The following MMRN1 variants were observed in gnomAD, a reference collection of about 807,000 sequenced individuals.
The protein encoded by MMRN1 is multimerin 1.
In MMRN1, 94 loss-of-function variants were observed where a neutral mutation model predicts 100.7. The observed-to-expected ratio is 0.93, with a 90% CI of 0.79 to 1.11. The LOEUF (loss-of-function observed/expected upper bound fraction) is 1.11, where lower values mean the gene tolerates loss of function less well. Ranked by LOEUF, MMRN1 falls within the 50% of genes least tolerant of loss-of-function variation. MMRN1 has a pLI of 0.00. For synonymous variants in MMRN1, 575 were observed against 505.0 expected (o/e 1.14, Z -1.86); for missense variants, 1,606 against 1,439.1 (o/e 1.12, Z -1.88).
intron 6 of MMRN1, among the ~76,000 whole-genome samples, chr4:89,944,631 G>C (rs1722932040): frequency 6.6e-6 from 1 of 152,106 alleles, no homozygotes; most frequent in African/African-American, 2.4e-5. Context: ...GCGATGTTAA[G>C]ACGGCTATAA....
At chr4:89,889,088 G>A (rs1405917439) in intron 1 of MMRN1, among the ~76,000 whole-genome samples, 4 of 152,102 alleles carry the variant, frequency 2.6e-5, no homozygotes, top group Non-Finnish European at 5.9e-5. Flanking sequence ...TAGTGTAGGA[G>A]CTGAGTTATC....
At chr4:89,910,570 G>T (rs1024819627) in intron 2 of MMRN1, among the ~76,000 whole-genome samples, 2 of 151,324 alleles carry the variant, frequency 1.3e-5, no homozygotes, top group Non-Finnish European at 3.0e-5. Context: ...TGCCAAAGCA[G>T]GAACATTGAC....
intron 6 of MMRN1, among the ~76,000 whole-genome samples, chr4:89,946,055 A>G (rs1722976311): frequency 6.6e-6 from 1 of 152,232 alleles, no homozygotes; most frequent in African/African-American, 2.4e-5. Context: ...CAATGGGCAT[A>G]TGAAATATTT....
chr4:89,949,861 A>G (rs1448863922), intron 6 of MMRN1, among the ~76,000 whole-genome samples: 2 of 152,256 alleles, frequency 1.3e-5, no homozygotes, highest in African/African-American at 4.8e-5. Context: ...ATAAAAATTT[A>G]TAGGTCTCAC....
chr4:89,913,410 G>A (rs1721816154), intron 3 of MMRN1, among the ~76,000 whole-genome samples: 1 of 151,268 alleles, frequency 6.6e-6, no homozygotes, highest in South Asian at 2.1e-4. Context: ...CTAATGAAAT[G>A]TCATGGACTC....
At chr4:89,896,081 T>C (rs1721197755) in intron 1 of MMRN1, among the ~76,000 whole-genome samples, 1 of 152,198 alleles carries the variant, frequency 6.6e-6, no homozygotes, top group Non-Finnish European at 1.5e-5. Context: ...TTCAGTATGG[T>C]CTAGTTCCAT....
At position 89,935,124 on chromosome 4, in the gene MMRN1, G is replaced by T; in HGVS notation, c.1444G>T (p.Glu482Ter). The change falls in exon 6 of 8, where the codon GAA (glutamate) becomes TAA (stop). Residue 482 changes from glutamate (E) to a stop codon, truncating the protein, a stop_gained. Coordinates refer to ENST00000264790, the MANE Select transcript of MMRN1 (RefSeq NM_007351.3). LOFTEE classifies it high-confidence loss of function. The part of the protein sequence containing the change: ...LTCEKPIKEL[E>*]VKQTHLEGAL... ...ATGTGAGAAGCCTATTAAAGAACTA[G>T]AAGTAAAGCAGACTCATTTAGAAGG... 1 of 1,613,638 alleles carries T rather than the reference G, an allele frequency of 6.2e-7. No homozygotes were observed. The highest frequency in any genetic ancestry group is 1.3e-5 in the African/African-American group (1 of 75,022).
At chr4:89,916,829 A>T (rs12644375) in intron 3 of MMRN1, among the ~76,000 whole-genome samples, 6 of 151,594 alleles carry the variant, frequency 4.0e-5, no homozygotes, top group Admixed American at 4.0e-4. Flanking sequence ...TAATGGAATA[A>T]CATTTTCCAA....
rs775648884 is a variant in MMRN1, at chr4:89,935,803, G to T, written c.2123G>T (p.Gly708Val). 1.2e-6 allele frequency: 2 copies of T among 1,613,218 alleles called. No homozygotes were observed. Among genetic ancestry groups the T allele is most frequent in the Non-Finnish European group, 8.5e-7 (1 of 1,179,614 alleles). Residue 708 changes from glycine (G) to valine (V), a missense_variant, in exon 6 of 8, where the codon GGT becomes GTT. Physicochemically the swap from Gly to Val is moderately radical, Grantham distance 109. Coordinates refer to ENST00000264790, the MANE Select transcript of MMRN1 (RefSeq NM_007351.3). The stretch of plus-strand genomic sequence containing the variant: ...AACTTACTTAGAAATGAAGTACAGG[G>T]TCGTGATGATGCCTTAGAAAGACGT... Reference protein sequence around the residue: ...RHNLLRNEVQGRDDALERRIN... With the variant: ...RHNLLRNEVQVRDDALERRIN...
intron 3 of MMRN1, among the ~76,000 whole-genome samples, chr4:89,915,389 T>G (rs183034540): frequency 1.3e-4 from 20 of 151,680 alleles, no homozygotes; most frequent in Admixed American, 7.3e-4. Context: ...AAGCTTAACA[T>G]GTACACCGAA....
rs1721139086 is a variant in MMRN1, at chr4:89,894,906, A to G, written c.-66A>G. 6.5e-7 allele frequency: 1 copy of G among 1,539,706 alleles called. No homozygotes were observed. The highest frequency in any genetic ancestry group is 8.7e-7 in the Non-Finnish European group (1 of 1,145,620). ...TAGCAGATTCAGTGTGGAAGCAGCTATCAAAAAGGCCATAAGGATTTTGTC... is the reference window on the plus strand; with the variant it reads ...TAGCAGATTCAGTGTGGAAGCAGCTGTCAAAAAGGCCATAAGGATTTTGTC... On this transcript the variant is annotated 5_prime_UTR_variant, in exon 1 of 8. Transcript: ENST00000264790.
At chr4:89,944,681 G>A (rs913749513) in intron 6 of MMRN1, among the ~76,000 whole-genome samples, 1 of 152,080 alleles carries the variant, frequency 6.6e-6, no homozygotes, top group African/African-American at 2.4e-5. Flanking sequence ...AATTAGAAAA[G>A]TTAATGGGGA....
At chr4:89,926,407 G>T (rs1334183979) in intron 4 of MMRN1, among the ~76,000 whole-genome samples, 1 of 152,124 alleles carries the variant, frequency 6.6e-6, no homozygotes. Flanking sequence ...TTATATGCCT[G>T]TTTGCCATAT....
chr4:89,944,047 A>AC (rs1271609345), intron 6 of MMRN1, among the ~76,000 whole-genome samples: 3 of 152,150 alleles, frequency 2.0e-5, no homozygotes, highest in African/African-American at 7.2e-5. Context: ...TATATTTTAT[A>AC]CTTTTTTTGA....
chr4:89,927,970 T>TA lies in MMRN1; in HGVS notation c.1129+7dup, dbSNP rs1470828262. On this transcript the variant is annotated splice_region_variant and intron_variant, in intron 5 of 7. Coordinates refer to ENST00000264790, the MANE Select transcript of MMRN1 (RefSeq NM_007351.3). ...GAGAATTTCAATCTCTTCTAAAAGG[T>TA]AAAAATGAAATAAAATAAAATATTC... 6.5e-7 allele frequency: 1 copy of TA among 1,548,660 alleles called. No homozygotes were observed. Among genetic ancestry groups the TA allele is most frequent in the Non-Finnish European group, 8.7e-7 (1 of 1,147,902 alleles).
chr4:89,939,436 TACG>T (rs1722755043), intron 6 of MMRN1, among the ~76,000 whole-genome samples: 1 of 152,172 alleles, frequency 6.6e-6, no homozygotes, highest in Admixed American at 6.6e-5. Context: ...ACCGTAATAA[TACG>T]ACATTGGTTA....
chr4:89,953,129 G>A lies in MMRN1; in HGVS notation c.3398G>A (p.Arg1133Lys), dbSNP rs1422649416. Residue 1133 changes from arginine (R) to lysine (K), a missense_variant, in exon 8 of 8, where the codon AGA becomes AAA. Coordinates refer to ENST00000264790, the MANE Select transcript of MMRN1 (RefSeq NM_007351.3). ...DVNYGASYTP[R>K]TGKFRIPYLG... Reference sequence around the variant, plus strand: ...AATTATGGAGCTTCATATACCCCAAGAACTGGAAAATTTAGAATTCCGTAT... The same window carrying A: ...AATTATGGAGCTTCATATACCCCAAAAACTGGAAAATTTAGAATTCCGTAT... The A allele has an allele frequency of 2.5e-6, 4 of 1,613,682 alleles. No homozygotes were observed. Among genetic ancestry groups the A allele is most frequent in the Non-Finnish European group, 3.4e-6 (4 of 1,179,870 alleles).
At chr4:89,948,394 T>C (rs898032770) in intron 6 of MMRN1, among the ~76,000 whole-genome samples, 1 of 152,208 alleles carries the variant, frequency 6.6e-6, no homozygotes, top group Non-Finnish European at 1.5e-5. Context: ...AACTGAATGC[T>C]TTCTATGGAC....
At chr4:89,904,290 TA>T (rs201159503) in intron 1 of MMRN1, among the ~76,000 whole-genome samples, 16 of 151,928 alleles carry the variant, frequency 1.1e-4, no homozygotes, top group African/African-American at 1.7e-4. Context: ...AAATATACAT[TA>T]AAAAATTTAC....
Sources: allele counts gnomAD v4.1 joint callset (sites outside exome capture counted in the v4.1 genomes callset), GRCh38; gene constraint gnomAD v4.1.1; transcripts MANE v1.5; gene names NCBI Gene and HGNC (gene_info 2026-07-23, HGNC 2026-07-21).